The following PRKCE variants were observed in gnomAD, a reference collection of about 807,000 sequenced individuals.
PRKCE encodes the protein protein kinase C epsilon type.
Under a neutral mutation model 85.4 loss-of-function variants are expected in PRKCE, and 16 were observed. That is an observed-to-expected ratio of 0.19 (90% CI 0.13 to 0.28). The LOEUF is 0.28. PRKCE is among the 10% of genes least tolerant of loss of function. The probability of loss-of-function intolerance (pLI) is 1.00; values close to 1 mark genes in which losing one functional copy is unlikely to be tolerated. For synonymous variants in PRKCE, 388 were observed against 371.5 expected (o/e 1.04, Z -0.51); for missense variants, 573 against 975.2 (o/e 0.59, Z 5.49).
chr2:45,714,314 G>A (rs1422643790), intron 1 of PRKCE, among the ~76,000 whole-genome samples: 1 of 152,328 alleles, frequency 6.6e-6, no homozygotes, highest in Non-Finnish European at 1.5e-5. Context: ...GGCATGGTCA[G>A]GGAAGGACTG....
At chr2:45,842,734 T>C (rs529329589) in intron 1 of PRKCE, among the ~76,000 whole-genome samples, 2 of 152,312 alleles carry the variant, frequency 1.3e-5, no homozygotes, top group Admixed American at 6.5e-5. Context: ...TCTCCAATCA[T>C]GGCAAAACTG....
intron 6 of PRKCE, among the ~76,000 whole-genome samples, chr2:45,997,257 A>G (rs1228773634): frequency 6.6e-6 from 1 of 152,044 alleles, no homozygotes; most frequent in Non-Finnish European, 1.5e-5. Context: ...CTCTTTACAA[A>G]GAACCAGCTT....
intron 14 of PRKCE, among the ~76,000 whole-genome samples, chr2:46,175,395 C>T (rs767255991): frequency 4.6e-5 from 7 of 152,188 alleles, no homozygotes; most frequent in Non-Finnish European, 1.0e-4. Context: ...TTGTTCTAAC[C>T]ATACAGTTGT....
At chr2:45,769,905 T>A (rs1331216916) in intron 1 of PRKCE, among the ~76,000 whole-genome samples, 1 of 152,202 alleles carries the variant, frequency 6.6e-6, no homozygotes, top group East Asian at 1.9e-4. Context: ...GGCAGAAACA[T>A]GTACACGGCG....
At chr2:45,978,702 A>G (rs1044446134) in intron 3 of PRKCE, 5 of 376,142 alleles carry the variant, frequency 1.3e-5, no homozygotes, top group Admixed American at 8.5e-5. Flanking sequence ...TTTCCAGAAC[A>G]TTGCTGACCA....
intron 1 of PRKCE, among the ~76,000 whole-genome samples, chr2:45,682,029 T>G (rs1284374256): frequency 2.0e-5 from 3 of 152,208 alleles, no homozygotes; most frequent in Non-Finnish European, 4.4e-5. Flanking sequence ...TAAACTTGGT[T>G]TTTATTTTAA....
chr2:45,665,957 G>A (rs1675890353), intron 1 of PRKCE, among the ~76,000 whole-genome samples: 1 of 152,070 alleles, frequency 6.6e-6, no homozygotes, highest in African/African-American at 2.4e-5. Flanking sequence ...GGTGTAAGTA[G>A]GTAACATATT....
Position 45,652,146 on chromosome 2 carries a change from G to C in PRKCE, c.46G>C (p.Val16Leu). Residue 16 changes from valine to leucine, a missense_variant, in exon 1 of 15, where the codon GTG becomes CTG. This residue lies in a region of PRKCE where 100 missense variants were observed against 177.1 expected (regional missense o/e 0.56). Coordinates refer to ENST00000306156, the MANE Select transcript of PRKCE (RefSeq NM_005400.3). This position sits in a 1 kb window ranked among gnomAD's most constrained non-coding sequence, Gnocchi z 7.7. ...GLLKIKICEA[V>L]SLKPTAWSLR... ...TCTTAAGATCAAAATCTGCGAGGCC[G>C]TGAGCTTGAAGCCCACAGCCTGGTC... 6.3e-7 allele frequency: 1 copy of C among 1,589,668 alleles called. No individual in the cohort carries two copies. Among genetic ancestry groups the C allele is most frequent in the Non-Finnish European group, 8.6e-7 (1 of 1,166,418 alleles).
chr2:46,049,619 T>C (rs749893244), intron 10 of PRKCE, among the ~76,000 whole-genome samples: 1 of 152,158 alleles, frequency 6.6e-6, no homozygotes, highest in Non-Finnish European at 1.5e-5. Flanking sequence ...AAATACCTTC[T>C]AGTATCCTTG....
rs749790855 is a variant in PRKCE, at chr2:46,100,271, T to C, written c.1592+13909T>C. On this transcript the variant is annotated intron_variant, in intron 11 of 14. Transcript: ENST00000306156. ...CCTGTCATTCCTCGGAAGGTGAGAC[T>C]TCATTGGCTGGTGGTCCTGTGCTCT... Among the ~76,000 whole-genome samples, 8 of 152,168 alleles carry C rather than the reference T, an allele frequency of 5.3e-5. No individual in the cohort carries two copies. In the East Asian group the frequency reaches 1.3e-3, roughly 26 times the overall value.
At chr2:46,028,282 C>T (rs572756209) in intron 10 of PRKCE, among the ~76,000 whole-genome samples, 18 of 152,342 alleles carry the variant, frequency 1.2e-4, no homozygotes, top group African/African-American at 4.3e-4. Context: ...CCCAGCCTCA[C>T]TCTTTCAGCA....
intron 10 of PRKCE, among the ~76,000 whole-genome samples, chr2:46,083,220 G>A (rs146902076): frequency 1.4e-4 from 21 of 152,278 alleles, no homozygotes; most frequent in African/African-American, 3.9e-4. Flanking sequence ...CAAAGTTCTG[G>A]GATTACAGGC....
chr2:45,673,552 T>C (rs1676277078), intron 1 of PRKCE, among the ~76,000 whole-genome samples: 1 of 152,170 alleles, frequency 6.6e-6, no homozygotes, highest in African/African-American at 2.4e-5. Flanking sequence ...TAATACGACA[T>C]ATTTAGGGCT....
At chr2:45,691,219 C>T (rs569474085) in intron 1 of PRKCE, among the ~76,000 whole-genome samples, 28 of 152,242 alleles carry the variant, frequency 1.8e-4, no homozygotes, top group Non-Finnish European at 3.5e-4. Context: ...AAGAATGAGC[C>T]GTTTGCATTT....
At chr2:45,870,465 C>T (rs1213732309) in intron 2 of PRKCE, among the ~76,000 whole-genome samples, 1 of 152,212 alleles carries the variant, frequency 6.6e-6, no homozygotes, top group East Asian at 1.9e-4. Flanking sequence ...TTAACATCAG[C>T]TATTGATTTG....
intron 1 of PRKCE, among the ~76,000 whole-genome samples, chr2:45,685,876 C>G (rs575728419): frequency 6.6e-6 from 1 of 152,186 alleles, no homozygotes; most frequent in South Asian, 2.1e-4. Flanking sequence ...AGATCCTGCT[C>G]TGGCAATTTA....
At chr2:45,712,189 C>T (rs1679712564) in intron 1 of PRKCE, among the ~76,000 whole-genome samples, 3 of 136,536 alleles carry the variant, frequency 2.2e-5, no homozygotes, top group African/African-American at 5.4e-5. Context: ...CTCTTGTTCC[C>T]CAGGCTGGAG....
intron 1 of PRKCE, chr2:45,677,938 TCCCTG>T (rs747947489): frequency 1.4e-4 from 131 of 968,840 alleles, no homozygotes; most frequent in Non-Finnish European, 1.6e-4. Flanking sequence ...TCAGTAGCTT[TCCCTG>T]CCCTTTTGTC....
intron 10 of PRKCE, among the ~76,000 whole-genome samples, chr2:46,082,267 G>A (rs1479115023): frequency 6.6e-6 from 1 of 152,098 alleles, no homozygotes; most frequent in African/African-American, 2.4e-5. Flanking sequence ...GGGCCATAAT[G>A]GTGGGCATGA....
Sources: gnomAD v4.1 joint callset for allele counts (sites outside exome capture counted in the v4.1 genomes callset) on GRCh38, gnomAD v4.1.1 for gene constraint, gnomAD v4.1.1 regional missense constraint, Gnocchi (gnomAD v3.1) non-coding constraint, MANE v1.5 for transcripts, NCBI Gene and HGNC (gene_info 2026-07-23, HGNC 2026-07-21) for gene names.